UTP6: variants seen among roughly 807,000 people sequenced by gnomAD.
UTP6 encodes U3 small nucleolar RNA-associated protein 6 homolog.
Under a neutral mutation model 96.5 loss-of-function variants are expected in UTP6, and 60 were observed. The ratio of observed to expected loss-of-function variants is 0.62; its 90% CI spans 0.51 to 0.77. The LOEUF is 0.77. Among genes scored for constraint, UTP6 ranks in the 30% least tolerant of loss-of-function variants. UTP6 has a pLI of 0.00. For missense variants in UTP6, 637 were observed against 706.5 expected, an observed-to-expected ratio of 0.90 and a Z score of 1.12; for synonymous variants, 215 against 240.1, an observed-to-expected ratio of 0.90 and a Z score of 0.96.
chr17:31,885,942 C>A, intron 9 of UTP6, 38 bp downstream of exon 9: 2 of 1,563,194 alleles, frequency 1.3e-6, no homozygotes, highest in South Asian at 2.3e-5. Flanking sequence ...AAGAATGTTT[C>A]ACTTTCCTAC....
At chr17:31,884,341 CTCT>C (rs1324666335) in intron 10 of UTP6, 80 bp downstream of exon 10, 1 of 1,132,812 alleles carries the variant, frequency 8.8e-7, no homozygotes, top group African/African-American at 1.6e-5. Flanking sequence ...TATCTTCTTT[CTCT>C]TCTACTAAAT....
intron 10 of UTP6, among the ~76,000 whole-genome samples, chr17:31,883,557 C>CATGA (rs1255577701): frequency 6.6e-6 from 1 of 152,062 alleles, no homozygotes; most frequent in Non-Finnish European, 1.5e-5. Context: ...TCAGGTGATC[C>CATGA]ATGCATCTCG....
rs748284771 is a variant in UTP6, at chr17:31,887,314, C to T, written c.544-1G>A. The stretch of plus-strand genomic sequence containing the variant: ...CATGCATCAGCTCCATCCTAAAGTA[C>T]TACAGAAGAGAAATAAACTGAAAAT... On this transcript the variant is annotated splice_acceptor_variant, in intron 7 of 18. Coordinates refer to ENST00000261708, the MANE Select transcript of UTP6 (RefSeq NM_018428.3). LOFTEE classifies it high-confidence loss of function. 2.5e-6 allele frequency: 4 copies of T among 1,613,324 alleles called. No individual in the cohort carries two copies. Among genetic ancestry groups the T allele is most frequent in the Non-Finnish European group, 3.4e-6 (4 of 1,179,596 alleles).
chr17:31,886,409 AT>A (rs1387223069), intron 8 of UTP6, among the ~76,000 whole-genome samples: 1 of 152,182 alleles, frequency 6.6e-6, no homozygotes, highest in African/African-American at 2.4e-5. Context: ...CATGCCTATA[AT>A]CCTAGCACTT....
At chr17:31,886,662 T>C (rs555013853) in intron 8 of UTP6, 1 of 152,888 alleles carries the variant, frequency 6.5e-6, no homozygotes, top group South Asian at 2.1e-4. Flanking sequence ...CAACACTCCG[T>C]CTGAGAAAAA....
chr17:31,863,759 G>C (rs1322326018), intron 18 of UTP6, among the ~76,000 whole-genome samples: 1 of 152,068 alleles, frequency 6.6e-6, no homozygotes, highest in African/African-American at 2.4e-5. Flanking sequence ...CTAGAGTGTA[G>C]TAGCGGGAAC....
chr17:31,876,143 T>C (rs1910489592), intron 13 of UTP6, among the ~76,000 whole-genome samples: 3 of 151,850 alleles, frequency 2.0e-5, no homozygotes, highest in Admixed American at 2.0e-4. Flanking sequence ...TTCAAGCAAT[T>C]CTCCTCCCTC....
Position 31,873,419 on chromosome 17 carries a change from A to T in UTP6, c.1455T>A (p.Tyr485Ter). ...TGGCCTTTTTGTAGCCACCACTTCG[A>T]TAAGCCCAATCCAGGTACTTATTCT... ...TLKNKYLDWA[Y>*]RSGGYKKARA... The change falls in exon 16 of 19, where the codon TAT (tyrosine) becomes TAA (stop). Residue 485 changes from tyrosine (Y) to a stop codon, truncating the protein, a stop_gained. Transcript: ENST00000261708. LOFTEE classifies it high-confidence loss of function. 1 of 1,614,164 alleles carries T rather than the reference A, an allele frequency of 6.2e-7. No homozygotes were observed. The highest frequency in any genetic ancestry group is 8.5e-7 in the Non-Finnish European group (1 of 1,180,040).
chr17:31,873,403 T>C lies in UTP6; in HGVS notation c.1471A>G (p.Lys491Glu). 6.2e-7 allele frequency: 1 copy of C among 1,614,238 alleles called. No individual in the cohort carries two copies. Among genetic ancestry groups the C allele is most frequent in the Non-Finnish European group, 8.5e-7 (1 of 1,180,054 alleles). Residue 491 changes from lysine (K) to glutamate (E), a missense_variant, in exon 16 of 19, where the codon AAA (lysine) becomes GAA (glutamate). By Grantham distance (56) the Lys-to-Glu change is moderately conservative (BLOSUM62 1). Transcript: ENST00000261708. Reference protein sequence around the residue: ...LDWAYRSGGYKKARAVFKSLQ... With the variant: ...LDWAYRSGGYEKARAVFKSLQ... ...CTTTTAAACACAGCTCTGGCCTTTT[T>C]GTAGCCACCACTTCGATAAGCCCAA...
intron 6 of UTP6, among the ~76,000 whole-genome samples, chr17:31,891,246 C>T (rs1911473710): frequency 6.6e-6 from 1 of 152,102 alleles, no homozygotes; most frequent in South Asian, 2.1e-4. Context: ...TTGAGCATGA[C>T]CTTTCTAGGA....
intron 18 of UTP6, 124 bp downstream of exon 18, chr17:31,865,242 A>G: frequency 1.1e-6 from 1 of 892,934 alleles, no homozygotes; most frequent in Non-Finnish European, 1.7e-6. Flanking sequence ...CGAACTCCTG[A>G]CCTCAGGTGA....
At position 31,865,404 on chromosome 17, in the gene UTP6, T is replaced by C; in HGVS notation, c.1598A>G (p.Tyr533Cys). Residue 533 changes from tyrosine to cysteine, a missense_variant, in exon 18 of 19, where the codon TAT becomes TGT. Transcript: ENST00000261708. ...SCNMANIREY[Y>C]ERALREFGSA... ...TCCAAACTCTCTCAAAGCTCTCTCA[T>C]AATATTCTCTTATGTTCGCCATATT... 7.4e-6 allele frequency: 12 copies of C among 1,614,090 alleles called. No homozygotes were observed. The highest frequency in any genetic ancestry group is 1.0e-5 in the Non-Finnish European group (12 of 1,179,952).
chr17:31,865,899 T>C (rs1909782331), intron 17 of UTP6, among the ~76,000 whole-genome samples: 1 of 152,126 alleles, frequency 6.6e-6, no homozygotes, highest in African/African-American at 2.4e-5. Context: ...CTTAAACATT[T>C]CCTCACCTAT....
intron 4 of UTP6, 21 bp from the exon 5 acceptor site, chr17:31,892,815 T>A: frequency 1.2e-6 from 2 of 1,613,978 alleles, no homozygotes; most frequent in South Asian, 2.2e-5. Flanking sequence ...AGCAATGTAG[T>A]AAGCTGCCCA....
At chr17:31,878,578 G>C (rs546916816) in intron 12 of UTP6, 124 bp downstream of exon 12, 1 of 965,912 alleles carries the variant, frequency 1.0e-6, no homozygotes, top group South Asian at 1.5e-5. Flanking sequence ...CCCACAAGGA[G>C]AGAGAGAGTG....
intron 16 of UTP6, among the ~76,000 whole-genome samples, chr17:31,872,113 T>C (rs1372375851): frequency 6.6e-6 from 1 of 151,256 alleles, no homozygotes; most frequent in Non-Finnish European, 1.5e-5. Flanking sequence ...GAGAATCGCT[T>C]GAACCCGGGA....
chr17:31,890,758 C>T (rs1343821585), intron 6 of UTP6, among the ~76,000 whole-genome samples: 2 of 151,802 alleles, frequency 1.3e-5, no homozygotes, highest in Non-Finnish European at 2.9e-5. Flanking sequence ...GGCTGAGGTG[C>T]ACAGATCGTT....
At position 31,880,828 on chromosome 17, in the gene UTP6, G is replaced by A. The variant is rs373855893; in HGVS notation, c.786-74C>T. The A allele has an allele frequency of 1.3e-5, 21 of 1,581,944 alleles. No individual in the cohort carries two copies. The African/African-American group carries it at 1.4e-4, about 10-fold the overall frequency. On this transcript the variant is annotated intron_variant, in intron 10 of 18. Coordinates refer to ENST00000261708, the MANE Select transcript of UTP6 (RefSeq NM_018428.3). ...CAGAATATCAGAGAAACAGTTACCT[G>A]TGCTTAAAAAATCTACACAGGACAT...
Position 31,899,736 on chromosome 17 carries a change from G to C in UTP6, c.93-6C>G. 6.4e-7 allele frequency: 1 copy of C among 1,556,478 alleles called. No homozygotes were observed. The highest frequency in any genetic ancestry group is 8.7e-7 in the Non-Finnish European group (1 of 1,152,946). ...AAGCCTTCTTAATGATAGCCCTGAG[G>C]AGAAAGCCATTTAAACTTCACTTGA... On this transcript the variant is annotated splice_polypyrimidine_tract_variant and splice_region_variant and intron_variant, in intron 1 of 18. Transcript: ENST00000261708.
Sources: gnomAD v4.1 joint callset for allele counts (sites outside exome capture counted in the v4.1 genomes callset) on GRCh38, gnomAD v4.1.1 for gene constraint, MANE v1.5 for transcripts, NCBI Gene and HGNC (gene_info 2026-07-23, HGNC 2026-07-21) for gene names.